Variants in DCAF6 observed in about 807,000 individuals in gnomAD.
DCAF6 encodes DDB1- and CUL4-associated factor 6.
DCAF6 carries 54 observed loss-of-function variants against 125.1 expected under a neutral mutation model. That is an observed-to-expected ratio of 0.43 (90% confidence interval 0.35 to 0.54). The LOEUF (loss-of-function observed/expected upper bound fraction) is 0.54. DCAF6 is among the 20% of genes least tolerant of loss of function. DCAF6 has a pLI of 0.01. For missense variants in DCAF6, 934 were observed against 1,161.7 expected (o/e 0.80, Z 2.85); for synonymous variants, 371 against 390.4 (o/e 0.95, Z 0.58).
chr1:167,884,187 T>C, the DCAF6 span, among the ~76,000 whole-genome samples: 1 of 152,190 alleles, frequency 6.6e-6, no homozygotes, highest in South Asian at 2.1e-4. Flanking sequence ...AACTACCTGA[T>C]ACTGGGTAAT....
chr1:168,041,221 T>C (rs1688491213), intron 13 of DCAF6, among the ~76,000 whole-genome samples: 3 of 152,080 alleles, frequency 2.0e-5, no homozygotes, highest in Non-Finnish European at 4.4e-5. Context: ...ACAGTTCTCA[T>C]CTTTTGTAAA....
the DCAF6 span, among the ~76,000 whole-genome samples, chr1:167,867,484 T>C: frequency 6.6e-6 from 1 of 152,232 alleles, no homozygotes; most frequent in East Asian, 1.9e-4. Context: ...TATTATTTCA[T>C]GGTTATTATA....
At chr1:167,957,505 A>AT (rs1674964821) in intron 2 of DCAF6, among the ~76,000 whole-genome samples, 1 of 152,152 alleles carries the variant, frequency 6.6e-6, no homozygotes, top group Non-Finnish European at 1.5e-5. Flanking sequence ...CATTGTACAG[A>AT]TATACCACAT....
chr1:167,893,852 C>A, the DCAF6 span: 1 of 1,605,040 alleles, frequency 6.2e-7, no homozygotes, highest in Non-Finnish European at 8.5e-7. Flanking sequence ...TTTGAAAATA[C>A]CTGCTTCAAA....
chr1:168,055,343 T>TTG (rs1690528810), intron 17 of DCAF6, among the ~76,000 whole-genome samples: 1 of 21,366 alleles, frequency 4.7e-5, no homozygotes, highest in East Asian at 5.5e-4. Context: ...TTTTTTTTTT[T>TTG]TTTTTTTTTT....
chr1:167,919,109 A>G, the DCAF6 span, among the ~76,000 whole-genome samples: 1 of 152,232 alleles, frequency 6.6e-6, no homozygotes, highest in African/African-American at 2.4e-5. Context: ...AAAATATACT[A>G]AAGTAATCAC....
chr1:168,034,272 T>A (rs372817543), intron 12 of DCAF6, among the ~76,000 whole-genome samples: 2 of 152,178 alleles, frequency 1.3e-5, no homozygotes, highest in African/African-American at 4.8e-5. Flanking sequence ...CCCAACACTT[T>A]GGAGTGCTGA....
intron 10 of DCAF6, among the ~76,000 whole-genome samples, chr1:168,009,354 CCTT>C: frequency 1.0e-5 from 1 of 97,582 alleles, no homozygotes; most frequent in Non-Finnish European, 2.0e-5. Flanking sequence ...TCCCTTCCTT[CCTT>C]CCTTCCTTCC....
the DCAF6 span, among the ~76,000 whole-genome samples, chr1:167,867,797 C>G: frequency 6.6e-6 from 1 of 151,624 alleles, no homozygotes; most frequent in South Asian, 2.1e-4. Flanking sequence ...AAAAGTTACA[C>G]AGCAGGAAAT....
At chr1:167,946,378 C>T (rs747431050) in intron 1 of DCAF6, among the ~76,000 whole-genome samples, 2 of 152,106 alleles carry the variant, frequency 1.3e-5, no homozygotes, top group African/African-American at 2.4e-5. Context: ...ATTCTCTTGC[C>T]TGATTGCTCT....
At chr1:167,870,591 G>A in the DCAF6 span, among the ~76,000 whole-genome samples, 3 of 146,142 alleles carry the variant, frequency 2.1e-5, no homozygotes, top group East Asian at 4.0e-4. Context: ...TCAGGAGTTC[G>A]TGACCAGCCT....
intron 3 of DCAF6, chr1:167,968,456 T>A (rs1483101893): frequency 6.6e-6 from 1 of 152,322 alleles, no homozygotes; most frequent in Non-Finnish European, 1.5e-5. Flanking sequence ...TTGTTGCGAA[T>A]TCCCCTCTGG....
intron 2 of DCAF6, among the ~76,000 whole-genome samples, chr1:167,957,583 C>T (rs1445035423): frequency 1.3e-5 from 2 of 152,102 alleles, no homozygotes; most frequent in Non-Finnish European, 2.9e-5. Context: ...AATAATGCTG[C>T]TGTGAACATT....
chr1:167,982,720 A>G (rs1330301979), intron 4 of DCAF6, among the ~76,000 whole-genome samples: 2 of 152,220 alleles, frequency 1.3e-5, no homozygotes, highest in Non-Finnish European at 2.9e-5. Context: ...GGACTTAGTC[A>G]TAATTTCTTT....
chr1:168,074,002 A>T (rs1431174819), intron 21 of DCAF6, among the ~76,000 whole-genome samples: 1 of 149,354 alleles, frequency 6.7e-6, no homozygotes, highest in Non-Finnish European at 1.5e-5. Flanking sequence ...ACAAAATAAG[A>T]TTTGAATAGA....
At chr1:167,903,752 G>C in the DCAF6 span, 1 of 687,782 alleles carries the variant, frequency 1.5e-6, no homozygotes, top group South Asian at 1.6e-5. Context: ...TTTCAAAAAA[G>C]ACTGGTTTTA....
chr1:167,966,545 A>G, intron 2 of DCAF6, 84 bp from the exon 3 acceptor site: 1 of 879,482 alleles, frequency 1.1e-6, no homozygotes, highest in Non-Finnish European at 1.9e-6. Context: ...AGTGGTAAAA[A>G]TTTTGTACCG....
chr1:167,921,367 G>C, the DCAF6 span, among the ~76,000 whole-genome samples: 3 of 151,876 alleles, frequency 2.0e-5, no homozygotes, highest in African/African-American at 7.3e-5. Flanking sequence ...AATTACAGGC[G>C]TGTGCCAATA....
intron 7 of DCAF6, among the ~76,000 whole-genome samples, chr1:168,000,290 A>T (rs867617319): frequency 3.3e-5 from 5 of 152,188 alleles, no homozygotes; most frequent in African/African-American, 1.2e-4. Context: ...GATCACCATA[A>T]TAGGTAGGAT....
Sources: gnomAD v4.1 joint callset for allele counts (sites outside exome capture counted in the v4.1 genomes callset) on GRCh38, gnomAD v4.1.1 for gene constraint, MANE v1.5 for transcripts, NCBI Gene and HGNC (gene_info 2026-07-23, HGNC 2026-07-21) for gene names.